The following EXOC6 variants were observed in gnomAD, a reference collection of about 807,000 sequenced individuals.
The protein encoded by EXOC6 is SEC15-like 1.
A neutral mutation model predicts 112.5 loss-of-function variants in EXOC6; 60 were observed. The observed-to-expected ratio is 0.53, with a 90% confidence interval of 0.43 to 0.66. The LOEUF (loss-of-function observed/expected upper bound fraction) is 0.66, where lower values mean the gene tolerates loss of function less well. EXOC6 is among the 30% of genes least tolerant of loss of function. EXOC6 has a pLI of 0.00. For synonymous variants in EXOC6, 295 were observed against 308.0 expected (o/e 0.96, Z 0.44); for missense variants, 855 against 957.1 (o/e 0.89, Z 1.41).
intron 19 of EXOC6, 66 bp from the exon 20 acceptor site, chr10:93,014,128 T>C: frequency 8.8e-7 from 1 of 1,132,956 alleles, no homozygotes; most frequent in Non-Finnish European, 1.3e-6. Flanking sequence ...GAAATTAATT[T>C]ATCAGTTAAA....
At position 92,909,416 on chromosome 10, in the gene EXOC6, A is replaced by C; in HGVS notation, c.459-11A>C. On this transcript the variant is annotated splice_polypyrimidine_tract_variant and intron_variant, in intron 5 of 21. Transcript: ENST00000260762. ...ACTTTTTATAGAGTTTTCTTTTTTA[A>C]CTTCTCACAGGTACTATTCTGCCCT... The C allele has an allele frequency of 1.3e-6, 2 of 1,565,602 alleles. No individual in the cohort carries two copies. Among genetic ancestry groups the C allele is most frequent in the Non-Finnish European group, 1.7e-6 (2 of 1,159,266 alleles).
At position 93,011,982 on chromosome 10, in the gene EXOC6, A is replaced by T. The variant is rs555904051; in HGVS notation, c.2096-2212A>T. Among the ~76,000 whole-genome samples the T allele has an allele frequency of 2.6e-5, 4 of 152,320 alleles. No homozygotes were observed. In the East Asian group the frequency reaches 7.7e-4, roughly 29 times the overall value. ...ACTAAATTTTGGTTTTCTAGAAAAA[A>T]GGGGTCTGAGAATGGTGAATTTAGT... On this transcript the variant is annotated intron_variant, in intron 19 of 21. Transcript: ENST00000260762.
At position 92,893,969 on chromosome 10, in the gene EXOC6, C is replaced by T. The variant is rs908307190; in HGVS notation, c.273+449C>T. Among the ~76,000 whole-genome samples the T allele has an allele frequency of 1.1e-3, 170 of 152,198 alleles. 1 individual carries two copies. Among genetic ancestry groups the T allele is most frequent in the Non-Finnish European group, 1.6e-3 (110 of 67,996 alleles). ...TGTATTTTTCTTAAAGAAAGTTGGT[C>T]TACACTTTCTGCCATACAGCTAAAA... On this transcript the variant is annotated intron_variant, in intron 2 of 21. Transcript: ENST00000260762.
intron 1 of EXOC6, among the ~76,000 whole-genome samples, chr10:92,872,802 G>A (rs1023504261): frequency 2.0e-5 from 3 of 152,028 alleles, no homozygotes; most frequent in African/African-American, 7.2e-5. Context: ...TTTATGTTTT[G>A]TTTTCTATGA....
At chr10:92,914,896 A>G (rs921543928) in intron 6 of EXOC6, among the ~76,000 whole-genome samples, 2 of 152,216 alleles carry the variant, frequency 1.3e-5, no homozygotes, top group African/African-American at 4.8e-5. Context: ...AAATCCTGGA[A>G]TTAAGTTTAT....
chr10:92,968,107 A>G (rs1447770255), intron 17 of EXOC6, among the ~76,000 whole-genome samples: 2 of 151,994 alleles, frequency 1.3e-5, no homozygotes, highest in Non-Finnish European at 2.9e-5. Context: ...TAATGAAGTT[A>G]AAGAGAAATA....
At chr10:92,832,395 A>G (rs1445121324), upstream of EXOC6, among the ~76,000 whole-genome samples, 1 of 152,116 alleles carries the variant, frequency 6.6e-6, no homozygotes, top group Non-Finnish European at 1.5e-5. Context: ...CGCCTGCCTC[A>G]GGCTCTGGAG....
chr10:92,935,350 A>G (rs1183644000), intron 11 of EXOC6, among the ~76,000 whole-genome samples: 1 of 152,076 alleles, frequency 6.6e-6, no homozygotes, highest in Non-Finnish European at 1.5e-5. Context: ...ATCACTTTCA[A>G]AATCTTATTA....
chr10:92,971,125 C>T (rs1242290733), intron 17 of EXOC6, among the ~76,000 whole-genome samples: 1 of 152,168 alleles, frequency 6.6e-6, no homozygotes, highest in Non-Finnish European at 1.5e-5. Flanking sequence ...GATCTCGGCT[C>T]ATTGCAAGGA....
At chr10:92,846,265 G>C (rs1158801313), upstream of EXOC6, among the ~76,000 whole-genome samples, 1 of 152,244 alleles carries the variant, frequency 6.6e-6, no homozygotes, top group Admixed American at 6.5e-5. Flanking sequence ...ATCAGGACTG[G>C]TGAAGAAAAG....
chr10:92,923,914 C>T (rs533811143), intron 8 of EXOC6, among the ~76,000 whole-genome samples: 1 of 152,204 alleles, frequency 6.6e-6, no homozygotes, highest in South Asian at 2.1e-4. Context: ...GTAAAAGCTT[C>T]CAGGGTGCCA....
rs1846659368 is a variant in EXOC6, at chr10:93,058,799, C to G, written c.*444C>G. On this transcript the variant is annotated 3_prime_UTR_variant, in exon 22 of 22. Coordinates refer to ENST00000260762, the MANE Select transcript of EXOC6 (RefSeq NM_019053.6). The stretch of plus-strand genomic sequence containing the variant: ...TTCTGACTTTTAGCTTTTATTTTCA[C>G]CTCAATGTGATTTAAGCAGACCAAA... 6.6e-6 allele frequency: 1 copy of G among 152,156 alleles called. No individual in the cohort carries two copies. The highest frequency in any genetic ancestry group is 2.4e-5 in the African/African-American group (1 of 41,380). The allele number at this position is 152,156 out of a possible 1,614,324, so 9.4% of individuals were successfully genotyped here.
chr10:92,987,096 G>A (rs370858429), intron 18 of EXOC6, among the ~76,000 whole-genome samples: 17 of 152,186 alleles, frequency 1.1e-4, no homozygotes, highest in Admixed American at 5.2e-4. Context: ...TAGTTTTGTC[G>A]TTTTTGAAGA....
At chr10:92,990,693 A>T (rs550015826) in intron 18 of EXOC6, among the ~76,000 whole-genome samples, 1 of 152,164 alleles carries the variant, frequency 6.6e-6, no homozygotes, top group Non-Finnish European at 1.5e-5. Flanking sequence ...AACATGTGCC[A>T]TGGTGGTTTA....
intron 19 of EXOC6, among the ~76,000 whole-genome samples, chr10:93,002,479 T>C (rs898837367): frequency 6.6e-6 from 1 of 152,198 alleles, no homozygotes; most frequent in African/African-American, 2.4e-5. Context: ...ATGCAAATCT[T>C]GGGCCCCACC....
intron 11 of EXOC6, among the ~76,000 whole-genome samples, chr10:92,934,985 A>C (rs1316435678): frequency 6.6e-6 from 1 of 152,036 alleles, no homozygotes; most frequent in Non-Finnish European, 1.5e-5. Flanking sequence ...TAAAGACAAT[A>C]CTTAGTCAGT....
chr10:92,933,381 A>G (rs1852164532), intron 9 of EXOC6, among the ~76,000 whole-genome samples: 1 of 152,188 alleles, frequency 6.6e-6, no homozygotes, highest in African/African-American at 2.4e-5. Flanking sequence ...TCAAGCACAC[A>G]TGGACCATTA....
intron 4 of EXOC6, among the ~76,000 whole-genome samples, chr10:92,896,289 C>G (rs1183955735): frequency 7.5e-6 from 1 of 133,700 alleles, no homozygotes; most frequent in African/African-American, 2.8e-5. Flanking sequence ...CCTCCACCTT[C>G]TGGGCTCAAG....
At chr10:92,965,170 A>T (rs1841994736) in intron 17 of EXOC6, among the ~76,000 whole-genome samples, 1 of 152,206 alleles carries the variant, frequency 6.6e-6, no homozygotes, top group African/African-American at 2.4e-5. Flanking sequence ...AATAGACAGT[A>T]AATCGTATAT....
Sources: allele counts gnomAD v4.1 joint callset (sites outside exome capture counted in the v4.1 genomes callset), GRCh38; gene constraint gnomAD v4.1.1; transcripts MANE v1.5; gene names NCBI Gene and HGNC (gene_info 2026-07-23, HGNC 2026-07-21).